The following TXNRD1 variants were observed in gnomAD, a reference collection of about 807,000 sequenced individuals.
TXNRD1 encodes thioredoxin reductase 1, also known as thioredoxin reductase 1, cytoplasmic.
A neutral mutation model predicts 80.3 loss-of-function variants in TXNRD1; 57 were observed. The ratio of observed to expected loss-of-function variants is 0.71; its 90% CI spans 0.57 to 0.89. TXNRD1 has a LOEUF of 0.89. Ranked by LOEUF, TXNRD1 falls within the 40% of genes least tolerant of loss-of-function variation. TXNRD1 has a pLI of 0.00. For missense variants in TXNRD1, 730 were observed against 803.0 expected (o/e 0.91, Z 1.10); for synonymous variants, 291 against 285.2 (o/e 1.02, Z -0.20).
chr12:104,303,571 C>G (rs938193190), intron 4 of TXNRD1, among the ~76,000 whole-genome samples: 3 of 152,222 alleles, frequency 2.0e-5, no homozygotes, highest in Non-Finnish European at 2.9e-5. Context: ...GTCCCCTGAG[C>G]GGGCATTAGT....
Position 104,215,871 on chromosome 12 carries a change from C to G in TXNRD1, c.69C>G (p.Asn23Lys). The G allele has an allele frequency of 6.4e-7, 1 of 1,557,622 alleles. No homozygotes were observed. The highest frequency in any genetic ancestry group is 1.9e-5 in the Admixed American group (1 of 51,528). ...CGGAGCTGCAGACGAAAGGCAAGAA[C>G]GGCGATGGCCGCCGTAGGTCAGGTA... The part of the protein sequence containing the change: ...APTELQTKGK[N>K]GDGRRRSAKD... Residue 23 changes from asparagine (N) to lysine (K), a missense_variant, in exon 1 of 17, where the codon AAC becomes AAG. Transcript: ENST00000525566.
intron 3 of TXNRD1, among the ~76,000 whole-genome samples, chr12:104,260,953 A>G (rs957389896): frequency 6.6e-6 from 1 of 152,098 alleles, no homozygotes; most frequent in African/African-American, 2.4e-5. Context: ...GTAAGGATTT[A>G]CTCTCTGAAT....
At chr12:104,222,364 T>C (rs1956276038) in intron 1 of TXNRD1, among the ~76,000 whole-genome samples, 1 of 151,942 alleles carries the variant, frequency 6.6e-6, no homozygotes, top group Non-Finnish European at 1.5e-5. Context: ...ACGTTAAAAA[T>C]ATGATCTTGT....
chr12:104,265,663 G>A (rs1286504833), intron 3 of TXNRD1: 1 of 1,605,794 alleles, frequency 6.2e-7, no homozygotes, highest in East Asian at 2.2e-5. Context: ...CCGGCACCGC[G>A]CCCGAGCCCA....
intron 10 of TXNRD1, among the ~76,000 whole-genome samples, chr12:104,321,832 A>G (rs986184251): frequency 2.0e-5 from 3 of 152,218 alleles, no homozygotes; most frequent in African/African-American, 7.2e-5. Flanking sequence ...AGGAGCTAAT[A>G]CTATGCCAAG....
chr12:104,267,387 C>G (rs1251868398), intron 3 of TXNRD1, among the ~76,000 whole-genome samples: 2 of 151,604 alleles, frequency 1.3e-5, no homozygotes, highest in Non-Finnish European at 2.9e-5. Context: ...ATGCAATCCT[C>G]CCACCTCAGC....
At chr12:104,231,546 C>A (rs1263144692) in intron 1 of TXNRD1, among the ~76,000 whole-genome samples, 1 of 152,158 alleles carries the variant, frequency 6.6e-6, no homozygotes, top group Admixed American at 6.5e-5. Context: ...GGATTGTAGC[C>A]ACCCGGGGCT....
At position 104,343,186 on chromosome 12, in the gene TXNRD1, T is replaced by C. The variant is rs145803206; in HGVS notation, c.1881+3913T>C. Reference sequence around the variant, plus strand: ...GCACCCCATGCGGTGGATGCGGTAGTATATCTATTTGACAGACGAGGAAAC... The same window carrying C: ...GCACCCCATGCGGTGGATGCGGTAGCATATCTATTTGACAGACGAGGAAAC... On this transcript the variant is annotated intron_variant, in intron 16 of 16. Transcript: ENST00000525566. Among the ~76,000 whole-genome samples the C allele has an allele frequency of 2.3e-3, 347 of 152,228 alleles. 1 individual carries two copies. The highest frequency in any genetic ancestry group is 8.1e-3 in the African/African-American group (335 of 41,538).
chr12:104,260,239 G>A (rs570606138), intron 3 of TXNRD1, among the ~76,000 whole-genome samples: 78 of 150,994 alleles, frequency 5.2e-4, no homozygotes, highest in Non-Finnish European at 9.2e-4. Flanking sequence ...AGGCAGAGGC[G>A]GGAGGATTAC....
intron 1 of TXNRD1, among the ~76,000 whole-genome samples, chr12:104,243,226 A>G (rs2032912190): frequency 6.6e-6 from 1 of 152,226 alleles, no homozygotes. Flanking sequence ...TATTAATTTC[A>G]ACACTAGAAA....
intron 3 of TXNRD1, among the ~76,000 whole-genome samples, chr12:104,271,183 CTTT>C (rs1165430972): frequency 1.5e-4 from 19 of 127,304 alleles, no homozygotes; most frequent in African/African-American, 3.0e-4. Context: ...TTAGTTCTTT[CTTT>C]TTTTTTTTTT....
At chr12:104,324,260 C>T (rs1381127552) in intron 10 of TXNRD1, among the ~76,000 whole-genome samples, 1 of 151,484 alleles carries the variant, frequency 6.6e-6, no homozygotes, top group South Asian at 2.1e-4. Context: ...GCTCATTTAA[C>T]TATATAAGAA....
intron 4 of TXNRD1, chr12:104,304,472 T>C: frequency 6.2e-7 from 1 of 1,613,984 alleles, no homozygotes; most frequent in Non-Finnish European, 8.5e-7. Context: ...GCTAGAACGT[T>C]CTGCACCAAA....
At chr12:104,339,092 G>A (rs752712418) in intron 15 of TXNRD1, 47 bp from the exon 16 acceptor site, 7 of 1,608,342 alleles carry the variant, frequency 4.4e-6, no homozygotes, top group Non-Finnish European at 5.9e-6. Flanking sequence ...GAAGAGGAGG[G>A]GAGAAAAATC....
intron 1 of TXNRD1, among the ~76,000 whole-genome samples, chr12:104,223,404 T>C (rs991900963): frequency 6.6e-6 from 1 of 152,216 alleles, no homozygotes; most frequent in Non-Finnish European, 1.5e-5. Flanking sequence ...GAAGTAATCT[T>C]ACCTCTTGGA....
chr12:104,251,216 C>T (rs1054882541), intron 1 of TXNRD1, among the ~76,000 whole-genome samples: 1 of 152,098 alleles, frequency 6.6e-6, no homozygotes, highest in African/African-American at 2.4e-5. Flanking sequence ...AAAATGTGGC[C>T]TCAGTATTTC....
chr12:104,303,835 A>G, intron 4 of TXNRD1: 1 of 1,432,200 alleles, frequency 7.0e-7, no homozygotes, highest in Non-Finnish European at 9.1e-7. Context: ...TGGTTGAAAA[A>G]GCTTCCCGGA....
chr12:104,235,366 T>C (rs11111942), intron 1 of TXNRD1, among the ~76,000 whole-genome samples: 19,563 of 151,890 alleles, frequency 0.13, 1,346 homozygotes, highest in Middle Eastern at 0.22. Context: ...GCGTTACAGA[T>C]TGGGAATGGC....
At chr12:104,331,134 A>G (rs1442889685) in intron 13 of TXNRD1, among the ~76,000 whole-genome samples, 1 of 152,120 alleles carries the variant, frequency 6.6e-6, no homozygotes, top group Non-Finnish European at 1.5e-5. Flanking sequence ...GGCTGTTAAT[A>G]TTACCTAATT....
Sources: allele counts gnomAD v4.1 joint callset (sites outside exome capture counted in the v4.1 genomes callset), GRCh38; gene constraint gnomAD v4.1.1; transcripts MANE v1.5; gene names NCBI Gene and HGNC (gene_info 2026-07-23, HGNC 2026-07-21).